LARGE1: variants seen among roughly 807,000 people sequenced by gnomAD.
The protein encoded by LARGE1 is xylosyl- and glucuronyltransferase LARGE1.
In LARGE1, 43 loss-of-function variants were observed where a neutral mutation model predicts 87.6. That is an observed-to-expected ratio of 0.49 (90% confidence interval 0.38 to 0.63). The LOEUF (loss-of-function observed/expected upper bound fraction) is 0.63. LARGE1 is among the 30% of genes least tolerant of loss of function. The pLI is 0.00. For synonymous variants in LARGE1, 434 were observed against 394.6 expected (o/e 1.10, Z -1.18); for missense variants, 802 against 1,000.2 (o/e 0.80, Z 2.67).
intron 3 of LARGE1, among the ~76,000 whole-genome samples, chr22:33,649,609 A>G (rs1292397083): frequency 6.6e-6 from 1 of 152,180 alleles, no homozygotes; most frequent in Non-Finnish European, 1.5e-5. Context: ...CAACTGGATC[A>G]AGGGTACTCT....
intron 11 of LARGE1, among the ~76,000 whole-genome samples, chr22:33,199,768 G>C (rs117281185): frequency 0.03 from 4,591 of 151,784 alleles, 96 homozygotes; most frequent in Admixed American, 0.057. Flanking sequence ...TAGCCTTGTA[G>C]TATAATTTGA....
At chr22:33,849,682 T>C (rs1244470587) in intron 1 of LARGE1, among the ~76,000 whole-genome samples, 1 of 133,204 alleles carries the variant, frequency 7.5e-6, no homozygotes, top group Non-Finnish European at 1.5e-5. Flanking sequence ...CACTGCAACC[T>C]CTACCTCCCA....
the LARGE1 span, among the ~76,000 whole-genome samples, chr22:33,130,890 G>T: frequency 7.2e-5 from 11 of 151,838 alleles, no homozygotes; most frequent in South Asian, 2.1e-4. Flanking sequence ...AAAATTAGCC[G>T]GGCGTGGTGG....
upstream of LARGE1, among the ~76,000 whole-genome samples, chr22:33,921,055 G>A (rs1235006417): frequency 6.6e-6 from 1 of 150,426 alleles, no homozygotes; most frequent in African/African-American, 2.4e-5. This position sits in a 1 kb window ranked among gnomAD's most constrained non-coding sequence, Gnocchi z 4.1. Flanking sequence ...CCGCGAGCCG[G>A]GGCTGGGTTC....
At chr22:33,521,674 T>A (rs576850219) in intron 6 of LARGE1, among the ~76,000 whole-genome samples, 2 of 152,180 alleles carry the variant, frequency 1.3e-5, no homozygotes, top group Admixed American at 6.5e-5. Context: ...GAAAAACTTG[T>A]GGCCATTTTT....
chr22:33,140,856 T>C, the LARGE1 span, among the ~76,000 whole-genome samples: 98 of 152,344 alleles, frequency 6.4e-4, 1 homozygote, highest in African/African-American at 2.3e-3. Context: ...TATGAGTCAA[T>C]ATTCCTTAAT....
In LARGE1 at chr22:33,288,325, C is replaced by T. The variant is rs554760083; in HGVS notation, c.1731-4977G>A. Among the ~76,000 whole-genome samples the T allele has an allele frequency of 1.6e-4, 24 of 152,286 alleles. No individual in the cohort carries two copies. In the South Asian group the frequency reaches 2.3e-3, roughly 14 times the overall value. On this transcript the variant is annotated intron_variant, in intron 12 of 14. Coordinates refer to ENST00000397394, the MANE Select transcript of LARGE1 (RefSeq NM_133642.5). Reference sequence around the variant, plus strand: ...CAAAAACTGAGTTTCCCAGAGAAGACGGAATACTGCCTTAGGACAGTAACA... The same window carrying T: ...CAAAAACTGAGTTTCCCAGAGAAGATGGAATACTGCCTTAGGACAGTAACA...
intron 1 of LARGE1, among the ~76,000 whole-genome samples, chr22:33,860,463 TGGCCAGAGAAGTTAAG>T (rs557600553): frequency 5.1e-4 from 78 of 152,342 alleles, no homozygotes; most frequent in African/African-American, 1.7e-3. Context: ...AATAAAGTTG[TGGCCAGAGAAGTTAAG>T]GGCCTGGAGG....
intron 2 of LARGE1, among the ~76,000 whole-genome samples, chr22:33,731,952 GA>G (rs2149482313): frequency 6.6e-6 from 1 of 152,300 alleles, no homozygotes; most frequent in Non-Finnish European, 1.5e-5. Flanking sequence ...CTTGTATTCA[GA>G]CCATATTTCG....
intron 6 of LARGE1, among the ~76,000 whole-genome samples, chr22:33,495,021 C>A (rs557406231): frequency 2.0e-5 from 3 of 152,114 alleles, no homozygotes; most frequent in African/African-American, 7.2e-5. Flanking sequence ...CTGATTTCCT[C>A]GTTCCCTCTA....
intron 6 of LARGE1, among the ~76,000 whole-genome samples, chr22:33,491,508 C>T (rs1031800893): frequency 3.3e-5 from 5 of 152,314 alleles, no homozygotes; most frequent in African/African-American, 7.2e-5. Flanking sequence ...CAATGCTCGA[C>T]GCTCACTTCA....
chr22:33,542,218 G>C (rs9621717), intron 6 of LARGE1, among the ~76,000 whole-genome samples: 1 of 148,566 alleles, frequency 6.7e-6, no homozygotes, highest in Admixed American at 6.7e-5. Context: ...ACTGCTACCA[G>C]ATCTGTCTCC....
intron 9 of LARGE1, among the ~76,000 whole-genome samples, chr22:33,369,973 T>C (rs554774162): frequency 6.6e-6 from 1 of 151,732 alleles, no homozygotes; most frequent in Admixed American, 6.6e-5. Flanking sequence ...TTTAAATAAA[T>C]GGCTTTACAT....
At chr22:33,456,056 G>A in intron 6 of LARGE1, among the ~76,000 whole-genome samples, 1 of 152,170 alleles carries the variant, frequency 6.6e-6, no homozygotes, top group Non-Finnish European at 1.5e-5. Context: ...GTATGCTAAG[G>A]CCAGCTTTGT....
At chr22:33,913,432 G>A (rs960270801) in intron 1 of LARGE1, among the ~76,000 whole-genome samples, 2 of 152,238 alleles carry the variant, frequency 1.3e-5, no homozygotes, top group Admixed American at 6.5e-5. Context: ...TAGCGGTAAT[G>A]ACAGTTTACA....
intron 11 of LARGE1, among the ~76,000 whole-genome samples, chr22:33,183,845 G>T (rs1923324395): frequency 6.6e-6 from 1 of 151,902 alleles, no homozygotes; most frequent in Non-Finnish European, 1.5e-5. Flanking sequence ...GTTGTCAGAG[G>T]CTGGGGGGTA....
intron 3 of LARGE1, among the ~76,000 whole-genome samples, chr22:33,636,376 C>T (rs2080267670): frequency 6.6e-6 from 1 of 152,060 alleles, no homozygotes; most frequent in East Asian, 1.9e-4. Flanking sequence ...TATGGTCATG[C>T]TAGATGACTC....
intron 4 of LARGE1, among the ~76,000 whole-genome samples, chr22:33,609,521 C>T (rs9621727): frequency 0.3 from 45,901 of 151,934 alleles, 6,960 homozygotes; most frequent in African/African-American, 0.33. Flanking sequence ...TCTAAATGGG[C>T]AGAGGAGGAG....
intron 1 of LARGE1, among the ~76,000 whole-genome samples, chr22:33,805,488 C>T (rs2086279207): frequency 1.3e-5 from 2 of 152,106 alleles, no homozygotes; most frequent in African/African-American, 2.4e-5. Context: ...AATCCCAGCA[C>T]TTTGGGAGAC....
Sources: allele counts gnomAD v4.1 joint callset (sites outside exome capture counted in the v4.1 genomes callset), GRCh38; gene constraint gnomAD v4.1.1; non-coding constraint Gnocchi (gnomAD v3.1); transcripts MANE v1.5; gene names NCBI Gene and HGNC (gene_info 2026-07-23, HGNC 2026-07-21).